SLC7A14: variants seen among roughly 807,000 people sequenced by gnomAD.
The protein encoded by SLC7A14 is gamma-aminobutyric acid transporter SLC7A14.
A neutral mutation model predicts 60.2 loss-of-function variants in SLC7A14; 37 were observed. The ratio of observed to expected loss-of-function variants is 0.61; its 90% confidence interval spans 0.47 to 0.81. The LOEUF (loss-of-function observed/expected upper bound fraction) is 0.81. Among genes scored for constraint, SLC7A14 ranks in the 30% least tolerant of loss-of-function variants. The pLI, the probability that SLC7A14 is intolerant of heterozygous loss-of-function variation, is 0.00. For missense variants in SLC7A14, 886 were observed against 982.7 expected (o/e 0.90, Z 1.32); for synonymous variants, 399 against 395.8 (o/e 1.01, Z -0.10).
At chr3:170,467,574 C>T (rs958426103) in intron 7 of SLC7A14, among the ~76,000 whole-genome samples, 197 bp from the exon 8 acceptor site, 8 of 152,070 alleles carry the variant, frequency 5.3e-5, no homozygotes, top group Non-Finnish European at 1.2e-4. Flanking sequence ...GGAGATCTTG[C>T]GTTAAGTAAC....
intron 1 of SLC7A14, among the ~76,000 whole-genome samples, chr3:170,573,179 A>G (rs1307773284): frequency 6.6e-6 from 1 of 152,222 alleles, no homozygotes; most frequent in Admixed American, 6.5e-5. Flanking sequence ...GCCCTCTGAA[A>G]TGACACAAAC....
chr3:170,467,314 T>C lies in SLC7A14; in HGVS notation c.2057A>G (p.Glu686Gly). Residue 686 changes from glutamate to glycine, a missense_variant, in exon 8 of 8, where the codon GAG (glutamate) becomes GGG (glycine). By Grantham distance (98) the Glu-to-Gly change is moderately conservative (BLOSUM62 -2). Transcript: ENST00000231706. Reference protein sequence around the residue: ...NSTLEISAREEALHQSTYQRY... With the variant: ...NSTLEISAREGALHQSTYQRY... ...TTGGTACGTGCTTTGGTGCAGGGCC[T>C]CTTCTCGAGCGCTGATTTCCAGGGT... The C allele has an allele frequency of 6.2e-7, 1 of 1,613,640 alleles. No homozygotes were observed.
At chr3:170,541,993 G>A (rs1199828177) in intron 1 of SLC7A14, among the ~76,000 whole-genome samples, 1 of 152,134 alleles carries the variant, frequency 6.6e-6, no homozygotes, top group African/African-American at 2.4e-5. Flanking sequence ...ACGCATCTCC[G>A]TTACGGTGAA....
chr3:170,480,235 G>A (rs1433021673), intron 7 of SLC7A14, 54 bp downstream of exon 7: 4 of 1,490,820 alleles, frequency 2.7e-6, no homozygotes, highest in Middle Eastern at 1.8e-4. Context: ...TTTGGGATAA[G>A]CATGCTTAAG....
At chr3:170,497,014 G>A (rs114920376) in intron 4 of SLC7A14, among the ~76,000 whole-genome samples, 160 of 148,936 alleles carry the variant, frequency 1.1e-3, no homozygotes, top group Non-Finnish European at 1.7e-3. Context: ...CTCAGCCCAC[G>A]CGCGGGGGAG....
intron 5 of SLC7A14, 44 bp from the exon 6 acceptor site, chr3:170,483,566 A>C (rs372415579): frequency 1.9e-6 from 3 of 1,607,316 alleles, no homozygotes; most frequent in Non-Finnish European, 2.6e-6. Flanking sequence ...CAGGGGAAGA[A>C]CAGCATGGAT....
chr3:170,478,112 C>G (rs1174058750), intron 7 of SLC7A14, among the ~76,000 whole-genome samples: 1 of 151,988 alleles, frequency 6.6e-6, no homozygotes, highest in African/African-American at 2.4e-5. Flanking sequence ...GAGTCTTGCT[C>G]TGTCTCCCAG....
intron 1 of SLC7A14, among the ~76,000 whole-genome samples, chr3:170,546,471 G>A (rs1714183661): frequency 6.6e-6 from 1 of 152,118 alleles, no homozygotes; most frequent in Non-Finnish European, 1.5e-5. Flanking sequence ...CCAGAACCTT[G>A]ATATAGTGTT....
intron 2 of SLC7A14, among the ~76,000 whole-genome samples, chr3:170,519,298 T>C (rs1346154152): frequency 6.6e-6 from 1 of 152,190 alleles, no homozygotes; most frequent in Non-Finnish European, 1.5e-5. Flanking sequence ...GCCTTATAGA[T>C]GTGGCAGTGA....
At chr3:170,557,094 C>T (rs1714505419) in intron 1 of SLC7A14, among the ~76,000 whole-genome samples, 7 of 152,196 alleles carry the variant, frequency 4.6e-5, no homozygotes, top group Admixed American at 4.6e-4. Context: ...TTTCCCATGG[C>T]TTCCAGGTGG....
intron 2 of SLC7A14, among the ~76,000 whole-genome samples, chr3:170,503,168 T>C (rs112426049): frequency 0.029 from 4,482 of 152,274 alleles, 229 homozygotes; most frequent in African/African-American, 0.1. Flanking sequence ...CCTCCTCCCC[T>C]TGCTTTGTAA....
At chr3:170,563,592 A>AT (rs953975791) in intron 1 of SLC7A14, among the ~76,000 whole-genome samples, 6 of 150,798 alleles carry the variant, frequency 4.0e-5, no homozygotes, top group African/African-American at 7.3e-5. Context: ...TAATTTTTGT[A>AT]TTTTTTTTAG....
At chr3:170,570,565 TTAA>T (rs1208298777) in intron 1 of SLC7A14, 4 of 152,192 alleles carry the variant, frequency 2.6e-5, no homozygotes, top group African/African-American at 4.8e-5. Context: ...AGTTAATGGC[TTAA>T]TGATGATATC....
chr3:170,505,515 A>G (rs1012540146), intron 2 of SLC7A14, among the ~76,000 whole-genome samples: 3 of 152,234 alleles, frequency 2.0e-5, no homozygotes, highest in African/African-American at 7.2e-5. Flanking sequence ...CATCCAGAAT[A>G]GTAGAGGAAG....
At chr3:170,495,769 G>C (rs949368370) in intron 4 of SLC7A14, 5 of 1,167,332 alleles carry the variant, frequency 4.3e-6, no homozygotes, top group Non-Finnish European at 6.5e-6. Flanking sequence ...GACAAGGTAC[G>C]GTTCCTGCAG....
intron 4 of SLC7A14, among the ~76,000 whole-genome samples, chr3:170,492,307 A>T (rs1287285273): frequency 6.6e-6 from 1 of 152,102 alleles, no homozygotes; most frequent in Non-Finnish European, 1.5e-5. Context: ...TGTTATCCTA[A>T]CTCTTTGCTT....
intron 2 of SLC7A14, among the ~76,000 whole-genome samples, chr3:170,518,259 T>A (rs948236247): frequency 6.6e-6 from 1 of 152,226 alleles, no homozygotes; most frequent in African/African-American, 2.4e-5. Context: ...TGTTCTGTGG[T>A]GGTCTTCTTC....
Position 170,460,655 on chromosome 3 carries a change from T to C in SLC7A14, c.*6400A>G, listed in dbSNP as rs988179779. The C allele has an allele frequency of 6.6e-6, 1 of 151,968 alleles. No homozygotes were observed. The highest frequency in any genetic ancestry group is 1.5e-5 in the Non-Finnish European group (1 of 68,004). The allele number at this position is 151,968 out of a possible 1,614,324, so 9.4% of individuals were successfully genotyped here. On this transcript the variant is annotated 3_prime_UTR_variant, in exon 8 of 8. Coordinates refer to ENST00000231706, the MANE Select transcript of SLC7A14 (RefSeq NM_020949.3). ...ACTCACAATTCCCTTTAGCCAATGT[T>C]ACCGAAGTCAGTGTCAAGAAAACTT...
intron 1 of SLC7A14, among the ~76,000 whole-genome samples, chr3:170,544,541 T>G (rs1261576026): frequency 1.3e-5 from 2 of 152,202 alleles, no homozygotes; most frequent in African/African-American, 2.4e-5. Flanking sequence ...AGTTCTTGAT[T>G]TATGATAAGG....
Sources: gnomAD v4.1 joint callset for allele counts (sites outside exome capture counted in the v4.1 genomes callset) on GRCh38, gnomAD v4.1.1 for gene constraint, MANE v1.5 for transcripts, NCBI Gene and HGNC (gene_info 2026-07-23, HGNC 2026-07-21) for gene names.